LRP5: variants seen among roughly 807,000 people sequenced by gnomAD.
The protein encoded by LRP5 is LDL receptor related protein 5.
A neutral mutation model predicts 154.1 loss-of-function variants in LRP5; 62 were observed. The observed-to-expected ratio is 0.40, with a 90% CI of 0.33 to 0.50. The LOEUF (loss-of-function observed/expected upper bound fraction) is 0.50, where lower values mean the gene tolerates loss of function less well. LRP5 is among the 20% of genes least tolerant of loss of function. LRP5 has a pLI of 0.55. For missense variants in LRP5, 1,915 were observed against 2,336.7 expected (o/e 0.82, Z 3.72); for synonymous variants, 966 against 1,011.5 (o/e 0.96, Z 0.85).
In LRP5 at chr11:68,348,020, C is replaced by A. The variant is rs989186743; in HGVS notation, c.265C>A (p.Gln89Lys). Residue 89 changes from glutamine to lysine, a missense_variant, in exon 2 of 23, where the codon CAG (glutamine) becomes AAG (lysine). Physicochemically the swap from Gln to Lys is moderately conservative, Grantham distance 53. Around this residue, in one of 3 missense-constraint regions of LRP5, gnomAD observed 773 missense variants for 1,100.9 expected, o/e 0.70. Transcript: ENST00000294304. ...AGACGTGAGCGAGGAGGCCATCAAG[C>A]AGACCTACCTGAACCAGACGGGGGC... ...WTDVSEEAIK[Q>K]TYLNQTGAAV... 6.2e-7 allele frequency: 1 copy of A among 1,614,158 alleles called. No individual in the cohort carries two copies. Among genetic ancestry groups the A allele is most frequent in the Non-Finnish European group, 8.5e-7 (1 of 1,180,032 alleles).
intron 7 of LRP5, among the ~76,000 whole-genome samples, chr11:68,394,441 A>G (rs1465384428): frequency 6.7e-6 from 1 of 149,972 alleles, no homozygotes; most frequent in Non-Finnish European, 1.5e-5. Context: ...TGTCACAATG[A>G]CGTGAGCACT....
At chr11:68,395,484 A>G (rs1362257979) in intron 7 of LRP5, among the ~76,000 whole-genome samples, 2 of 152,026 alleles carry the variant, frequency 1.3e-5, no homozygotes, top group East Asian at 3.9e-4. Flanking sequence ...ATGAGGAGTG[A>G]TGGCGCAGGG....
At chr11:68,429,001 G>T (rs1277160636) in intron 16 of LRP5, among the ~76,000 whole-genome samples, 27 of 141,086 alleles carry the variant, frequency 1.9e-4, no homozygotes, top group Non-Finnish European at 2.9e-4. Context: ...GGAGGCTAAG[G>T]CAGGAGAATG....
intron 5 of LRP5, among the ~76,000 whole-genome samples, chr11:68,371,981 TC>T (rs1447978505): frequency 6.6e-6 from 1 of 152,190 alleles, no homozygotes; most frequent in Non-Finnish European, 1.5e-5. Flanking sequence ...AGGTCCAGTG[TC>T]CGGGGGTGAA....
chr11:68,410,127 G>C lies in LRP5; in HGVS notation c.2305G>C (p.Asp769His). The C allele has an allele frequency of 6.2e-7, 1 of 1,613,766 alleles. No homozygotes were observed. The highest frequency in any genetic ancestry group is 8.5e-7 in the Non-Finnish European group (1 of 1,179,968). ...GGACAACCCGAGGTCGCTGGCCCTGGATCCCACCAAGGGGTAAGTGTTTGC... is the reference window on the plus strand; with the variant it reads ...GGACAACCCGAGGTCGCTGGCCCTGCATCCCACCAAGGGGTAAGTGTTTGC... ...DLDNPRSLAL[D>H]PTKGYIYWTE... The change falls in exon 10 of 23, where the codon GAT (aspartate) becomes CAT (histidine). Residue 769 changes from aspartate (D) to histidine (H), a missense_variant. Around this residue, in one of 3 missense-constraint regions of LRP5, gnomAD observed 773 missense variants for 1,100.9 expected, o/e 0.70. Coordinates refer to ENST00000294304, the MANE Select transcript of LRP5 (RefSeq NM_002335.4).
chr11:68,389,839 C>G (rs2153155298), intron 6 of LRP5, 42 bp from the exon 7 acceptor site: 1 of 1,611,840 alleles, frequency 6.2e-7, no homozygotes, highest in East Asian at 2.2e-5. Context: ...CTGCAGAGAC[C>G]AGACAGACTC....
chr11:68,413,564 C>A lies in LRP5; in HGVS notation c.2504-125C>A. 2 of 838,324 alleles carry A rather than the reference C, an allele frequency of 2.4e-6. No individual in the cohort carries two copies. Among genetic ancestry groups the A allele is most frequent in the Non-Finnish European group, 4.0e-6 (2 of 500,878 alleles). 51.9% of individuals were successfully genotyped at this position (838,324 alleles called of 1,614,324 possible). On this transcript the variant is annotated intron_variant, in intron 11 of 22. Coordinates refer to ENST00000294304, the MANE Select transcript of LRP5 (RefSeq NM_002335.4). This position sits in a 1 kb window ranked among gnomAD's most constrained non-coding sequence, Gnocchi z 5.1. Reference sequence around the variant, plus strand: ...TTGCTGGTTTTCCAAGGTGGCCAAACACTTTAAGGCATTCATGTGGTCGCT... The same window carrying A: ...TTGCTGGTTTTCCAAGGTGGCCAAAAACTTTAAGGCATTCATGTGGTCGCT...
upstream of LRP5, among the ~76,000 whole-genome samples, chr11:68,310,408 C>G (rs1007263355): frequency 6.6e-6 from 1 of 152,114 alleles, no homozygotes; most frequent in Non-Finnish European, 1.5e-5. Flanking sequence ...TCATCTGAGG[C>G]CAGGAGTTCA....
intron 5 of LRP5, among the ~76,000 whole-genome samples, chr11:68,376,171 C>CT (rs60401481): frequency 0.11 from 10,467 of 92,762 alleles, 678 homozygotes; most frequent in Non-Finnish European, 0.16. Flanking sequence ...GGCCCTGCTT[C>CT]TTTTTTTTTT....
chr11:68,446,575 G>A (rs765792116), intron 22 of LRP5, 42 bp downstream of exon 22: 61 of 1,525,938 alleles, frequency 4.0e-5, no homozygotes, highest in Non-Finnish European at 5.0e-5. Context: ...TTGGGTTCCC[G>A]CCAGCCCGTG....
chr11:68,366,972 T>C (rs1480061855), intron 5 of LRP5, among the ~76,000 whole-genome samples: 1 of 134,526 alleles, frequency 7.4e-6, no homozygotes, highest in Non-Finnish European at 1.6e-5. Context: ...ATCCCGGGCC[T>C]CTGGCGCTCG....
chr11:68,436,829 CTG>C, intron 18 of LRP5, 58 bp from the exon 19 acceptor site: 1 of 1,276,194 alleles, frequency 7.8e-7, no homozygotes, highest in African/African-American at 1.5e-5. Flanking sequence ...TTGCTGTGCC[CTG>C]CATGGTGGGC....
At chr11:68,395,795 G>A (rs1013288684) in intron 7 of LRP5, among the ~76,000 whole-genome samples, 4 of 152,138 alleles carry the variant, frequency 2.6e-5, no homozygotes, top group African/African-American at 4.8e-5. Context: ...GGATGTGCCC[G>A]TGGAGATGCT....
chr11:68,426,985 C>G (rs1421502889), intron 16 of LRP5, among the ~76,000 whole-genome samples: 1 of 152,224 alleles, frequency 6.6e-6, no homozygotes, highest in Non-Finnish European at 1.5e-5. Flanking sequence ...CCCCGTGGCC[C>G]TCTCTGCCTC....
At chr11:68,401,069 G>A (rs1293844475) in intron 7 of LRP5, among the ~76,000 whole-genome samples, 1 of 152,180 alleles carries the variant, frequency 6.6e-6, no homozygotes, top group African/African-American at 2.4e-5. Context: ...CCGCTACTGT[G>A]AGCCCCTCCT....
At chr11:68,309,137 G>A (rs2098586038), upstream of LRP5, among the ~76,000 whole-genome samples, 1 of 151,922 alleles carries the variant, frequency 6.6e-6, no homozygotes, top group Non-Finnish European at 1.5e-5. Context: ...GTTTCACCAT[G>A]TTAGCCAGGA....
intron 1 of LRP5, among the ~76,000 whole-genome samples, chr11:68,337,551 A>C (rs2098606375): frequency 6.6e-6 from 1 of 151,102 alleles, no homozygotes; most frequent in Admixed American, 6.6e-5. Flanking sequence ...AAGCCTGCCC[A>C]GTCTACCCAC....
At chr11:68,419,117 C>T (rs1164247961) in intron 13 of LRP5, among the ~76,000 whole-genome samples, 1 of 152,144 alleles carries the variant, frequency 6.6e-6, no homozygotes, top group East Asian at 1.9e-4. Context: ...CCCCTGCTCC[C>T]CCAAAAGATG....
At position 68,443,544 on chromosome 11, in the gene LRP5, CATATATATATATATAT is replaced by C. The variant is rs1157048489; in HGVS notation, c.4489-2865_4489-2850del. On this transcript the variant is annotated intron_variant, in intron 21 of 22. Coordinates refer to ENST00000294304, the MANE Select transcript of LRP5 (RefSeq NM_002335.4). ...AAATTATCAATCTCCTCTTTTATGG[CATATATATATATATAT>C]ATATATATATATATATATATATATA... Among the ~76,000 whole-genome samples, 7 of 22,324 alleles carry C rather than the reference CATATATATATATATAT, an allele frequency of 3.1e-4. 1 individual carries two copies. Among genetic ancestry groups the C allele is most frequent in the South Asian group, 2.3e-3 (1 of 440 alleles). 14.6% of individuals were successfully genotyped at this position (22,324 alleles called of 152,430 possible).
Sources: allele counts gnomAD v4.1 joint callset (sites outside exome capture counted in the v4.1 genomes callset), GRCh38; gene constraint gnomAD v4.1.1; regional missense constraint gnomAD v4.1.1; non-coding constraint Gnocchi (gnomAD v3.1); transcripts MANE v1.5; gene names NCBI Gene and HGNC (gene_info 2026-07-23, HGNC 2026-07-21).